The following USP3 variants were observed in gnomAD, a reference collection of about 807,000 sequenced individuals.
USP3 encodes ubiquitin specific peptidase 3.
Under a neutral mutation model 72.3 loss-of-function variants are expected in USP3, and 20 were observed. That is an observed-to-expected ratio of 0.28 (90% CI 0.19 to 0.40). The LOEUF (loss-of-function observed/expected upper bound fraction) is 0.40, where lower values mean the gene tolerates loss of function less well. USP3 is among the 10% of genes least tolerant of loss of function. The probability of loss-of-function intolerance (pLI) is 1.00; values close to 1 mark genes in which losing one functional copy is unlikely to be tolerated. For missense variants in USP3, 479 were observed against 633.9 expected, an observed-to-expected ratio of 0.76 and a Z score of 2.62; for synonymous variants, 222 against 225.3, an observed-to-expected ratio of 0.99 and a Z score of 0.13.
chr15:63,585,027 C>T (rs1286249686), intron 11 of USP3, among the ~76,000 whole-genome samples: 1 of 152,160 alleles, frequency 6.6e-6, no homozygotes, highest in Non-Finnish European at 1.5e-5. Context: ...ATTGAGTAGT[C>T]TTGTCATTCT....
In USP3 at chr15:63,590,731, G is replaced by A. The variant is rs2067182026; in HGVS notation, c.1468G>A (p.Val490Ile). ...CTGGTTCCACTTCAATGACAGTACT[G>A]TAACACTGACTGACGAGGAGACTGT... ...GRWFHFNDST[V>I]TLTDEETVVK... Residue 490 changes from valine to isoleucine, a missense_variant, in exon 15 of 15, where the codon GTA (valine) becomes ATA (isoleucine). Coordinates refer to ENST00000380324, the MANE Select transcript of USP3 (RefSeq NM_006537.4). 1.2e-6 allele frequency: 2 copies of A among 1,614,048 alleles called. No homozygotes were observed. Among genetic ancestry groups the A allele is most frequent in the Non-Finnish European group, 1.7e-6 (2 of 1,180,018 alleles).
rs545943861 is a variant in USP3 at position 63,568,352 on chromosome 15, T to TAAA, written c.762-2063_762-2061dup. Among the ~76,000 whole-genome samples the TAAA allele has an allele frequency of 1.8e-3, 238 of 131,450 alleles. 1 individual carries two copies. The highest frequency in any genetic ancestry group is 6.3e-3 in the African/African-American group (220 of 35,006). The allele number at this position is 131,450 out of a possible 152,430, so 86.2% of individuals were successfully genotyped here. ...CCTGACGACAGAGCGAGACTCCATC[T>TAAA]AAAAAAAAAAAAAAAAAAAATTGGA... On this transcript the variant is annotated intron_variant, in intron 8 of 14. Transcript: ENST00000380324.
At chr15:63,585,142 G>C (rs2152683351) in intron 11 of USP3, among the ~76,000 whole-genome samples, 1 of 152,282 alleles carries the variant, frequency 6.6e-6, no homozygotes, top group Non-Finnish European at 1.5e-5. Flanking sequence ...TTTGTAGTAA[G>C]TTTTAAAATT....
Position 63,562,983 on chromosome 15 carries a change from G to T in USP3, c.736G>T (p.Val246Phe), listed in dbSNP as rs1378213059. The T allele has an allele frequency of 6.2e-7, 1 of 1,611,294 alleles. No homozygotes were observed. The highest frequency in any genetic ancestry group is 2.2e-5 in the East Asian group (1 of 44,810). The change falls in exon 8 of 15, where the codon GTT becomes TTT. Residue 246 changes from valine to phenylalanine, a missense_variant. Coordinates refer to ENST00000380324, the MANE Select transcript of USP3 (RefSeq NM_006537.4). ...TAGCCCAGAGTCCTTATTTTATGTT[G>T]TTTGGAAGATTATGCCAAACTTTAG... ...AFSPESLFYVVWKIMPNFRGY... is the reference protein window; with the variant it reads ...AFSPESLFYVFWKIMPNFRGY...
chr15:63,511,354 C>T (rs966891155), intron 1 of USP3, among the ~76,000 whole-genome samples: 1 of 142,992 alleles, frequency 7.0e-6, no homozygotes, highest in African/African-American at 2.5e-5. Flanking sequence ...GGAACACATA[C>T]TTTAAATAAT....
Position 63,562,905 on chromosome 15 carries a change from G to A in USP3, c.658G>A (p.Glu220Lys), listed in dbSNP as rs1243983170. 6.2e-7 allele frequency: 1 copy of A among 1,606,280 alleles called. No individual in the cohort carries two copies. The highest frequency in any genetic ancestry group is 8.5e-7 in the Non-Finnish European group (1 of 1,176,794). ...SQGDNNVSLV[E>K]EFRKTLCALW... ...TTTCCTCTTTTGCAGGTCTTTGGTA[G>A]AAGAGTTTAGAAAGACACTCTGTGC... The change falls in exon 8 of 15, where the codon GAA (glutamate) becomes AAA (lysine). Residue 220 changes from glutamate to lysine, a missense_variant. Coordinates refer to ENST00000380324, the MANE Select transcript of USP3 (RefSeq NM_006537.4).
At position 63,558,090 on chromosome 15, in the gene USP3, C is replaced by T. The variant is rs965768777; in HGVS notation, c.451-16C>T. 6.2e-7 allele frequency: 1 copy of T among 1,614,088 alleles called. No individual in the cohort carries two copies. Among genetic ancestry groups the T allele is most frequent in the Non-Finnish European group, 8.5e-7 (1 of 1,179,970 alleles). ...CCCTTGGCATTACTGATGGCCTCTT[C>T]TTGCACCACTTACAGGGAAGCACCA... On this transcript the variant is annotated splice_polypyrimidine_tract_variant and intron_variant, in intron 5 of 14. Transcript: ENST00000380324.
At chr15:63,577,585 C>G (rs1566915428) in intron 11 of USP3, among the ~76,000 whole-genome samples, 1 of 152,110 alleles carries the variant, frequency 6.6e-6, no homozygotes. Context: ...AACCCCGTCT[C>G]TACTAAAAAT....
At chr15:63,550,594 T>C (rs1323485007) in intron 3 of USP3, among the ~76,000 whole-genome samples, 4 of 152,230 alleles carry the variant, frequency 2.6e-5, no homozygotes, top group Non-Finnish European at 4.4e-5. Flanking sequence ...GAGACAAATA[T>C]ACCCATAGTA....
chr15:63,561,007 G>A (rs948054096), intron 7 of USP3, among the ~76,000 whole-genome samples: 8 of 152,064 alleles, frequency 5.3e-5, no homozygotes, highest in Non-Finnish European at 1.0e-4. Context: ...GCAGTAGGGC[G>A]AGAGTCACAG....
chr15:63,584,092 G>GTTTTTTTTTTTTTTTTTTTTTTTTT (rs61574200), intron 11 of USP3, among the ~76,000 whole-genome samples: 1 of 85,580 alleles, frequency 1.2e-5, no homozygotes, highest in Non-Finnish European at 2.2e-5. Context: ...CAACGGTTTT[G>GTTTTTTTTTTTTTTTTTTTTTTTTT]TTTTTTTTTT....
chr15:63,562,410 G>A (rs2066622382), intron 7 of USP3, among the ~76,000 whole-genome samples: 1 of 152,148 alleles, frequency 6.6e-6, no homozygotes, highest in Admixed American at 6.6e-5. Flanking sequence ...AATAAAAATA[G>A]TCATGAGAAA....
chr15:63,577,339 C>A (rs1430337772), intron 11 of USP3, among the ~76,000 whole-genome samples: 2 of 152,190 alleles, frequency 1.3e-5, no homozygotes, highest in African/African-American at 4.8e-5. Context: ...CCCTAATAGG[C>A]CAAATGCCTA....
intron 3 of USP3, among the ~76,000 whole-genome samples, chr15:63,537,644 C>G (rs911844449): frequency 2.0e-5 from 3 of 152,152 alleles, no homozygotes; most frequent in South Asian, 2.1e-4. Context: ...TTCTACTCCC[C>G]CAAAGGTGAA....
rs2067216788 is a variant in USP3 at position 63,592,280 on chromosome 15, T to TTTAAAGAAAGCAGTTGTGGTTTCTACA, written c.*1455_*1481dup. The stretch of plus-strand genomic sequence containing the variant: ...ATTCAAATTTGGAACCAGAATCCCA[T>TTTAAAGAAAGCAGTTGTGGTTTCTACA]TTAAAGAAAGCAGTTGTGGTTTCTA... On this transcript the variant is annotated 3_prime_UTR_variant, in exon 15 of 15. Coordinates refer to ENST00000380324, the MANE Select transcript of USP3 (RefSeq NM_006537.4). 1 of 151,786 alleles carries TTTAAAGAAAGCAGTTGTGGTTTCTACA rather than the reference T, an allele frequency of 6.6e-6. No homozygotes were observed. The highest frequency in any genetic ancestry group is 2.1e-4 in the South Asian group (1 of 4,816). The allele number at this position is 151,786 out of a possible 1,614,324, so 9.4% of individuals were successfully genotyped here. A position where few individuals can be genotyped will look rare whatever the true frequency, so the allele number is the denominator to read the frequency against.
At position 63,590,689 on chromosome 15, in the gene USP3, G is replaced by T. The variant is rs771942475; in HGVS notation, c.1426G>T (p.Ala476Ser). Reference protein sequence around the residue: ...GVGSGHYTAYATHEGRWFHFN... With the variant: ...GVGSGHYTAYSTHEGRWFHFN... ...TGGTTCTGGACATTACACAGCATAC[G>T]CAACTCACGAAGGCCGCTGGTTCCA... Residue 476 changes from alanine (A) to serine (S), a missense_variant, in exon 15 of 15, where the codon GCA becomes TCA. By Grantham distance (99) the Ala-to-Ser change is moderately conservative (BLOSUM62 1). Transcript: ENST00000380324. The T allele has an allele frequency of 1.9e-6, 3 of 1,612,648 alleles. No homozygotes were observed. Among genetic ancestry groups the T allele is most frequent in the Non-Finnish European group, 1.7e-6 (2 of 1,179,356 alleles).
chr15:63,577,415 C>T (rs1020429449), intron 11 of USP3, among the ~76,000 whole-genome samples: 2 of 152,150 alleles, frequency 1.3e-5, no homozygotes, highest in Non-Finnish European at 2.9e-5. Flanking sequence ...TTGCTTGACC[C>T]CAGGAGTTTG....
rs568328097 is a variant in USP3 at position 63,567,197 on chromosome 15, A to AT, written c.762-3229dup. Among the ~76,000 whole-genome samples the AT allele has an allele frequency of 3.3e-4, 50 of 152,042 alleles. No homozygotes were observed. The East Asian group carries it at 9.5e-3, about 29-fold the overall frequency. On this transcript the variant is annotated intron_variant, in intron 8 of 14. Transcript: ENST00000380324. ...CAGGTGCAAACTAACGTTTTATTTG[A>AT]TTTTTTTCGAGACAGTCTCGCTCTG...
At chr15:63,551,686 T>C (rs2066438526) in intron 3 of USP3, 2 of 152,234 alleles carry the variant, frequency 1.3e-5, no homozygotes, top group African/African-American at 4.8e-5. Context: ...CCTACCAAAC[T>C]ATAACATTGT....
Sources: allele counts gnomAD v4.1 joint callset (sites outside exome capture counted in the v4.1 genomes callset), GRCh38; gene constraint gnomAD v4.1.1; transcripts MANE v1.5; gene names NCBI Gene and HGNC (gene_info 2026-07-23, HGNC 2026-07-21).